AUTS2: variants seen among roughly 807,000 people sequenced by gnomAD.
The protein encoded by AUTS2 is autism susceptibility gene 2 protein.
A neutral mutation model predicts 112.4 loss-of-function variants in AUTS2; 17 were observed. The observed-to-expected ratio is 0.15, with a 90% CI of 0.10 to 0.23. The LOEUF (loss-of-function observed/expected upper bound fraction) is 0.23. Ranked by LOEUF, AUTS2 falls within the 10% of genes least tolerant of loss-of-function variation. The probability of loss-of-function intolerance (pLI) is 1.00; values close to 1 mark genes in which losing one functional copy is unlikely to be tolerated. For synonymous variants in AUTS2, 751 were observed against 702.7 expected (o/e 1.07, Z -1.09); for missense variants, 1,510 against 1,701.6 (o/e 0.89, Z 1.98).
chr7:70,358,998 T>C (rs1792134932), intron 4 of AUTS2, among the ~76,000 whole-genome samples: 2 of 152,332 alleles, frequency 1.3e-5, no homozygotes, highest in South Asian at 4.1e-4. Flanking sequence ...GTGCAAAAGA[T>C]GTGATGCATT....
At chr7:70,415,608 TCTACCAA>T (rs1335368252) in intron 4 of AUTS2, among the ~76,000 whole-genome samples, 5 of 152,230 alleles carry the variant, frequency 3.3e-5, no homozygotes, top group African/African-American at 1.2e-4. Context: ...GTAGTGTTTG[TCTACCAA>T]GTGGCTACCG....
intron 5 of AUTS2, among the ~76,000 whole-genome samples, chr7:70,549,706 A>T (rs1045688055): frequency 1.3e-5 from 2 of 152,200 alleles, no homozygotes; most frequent in Non-Finnish European, 2.9e-5. Context: ...AAAATTTTTT[A>T]AAAAGCCACT....
chr7:70,745,623 C>T (rs1302008347), intron 6 of AUTS2, among the ~76,000 whole-genome samples: 1 of 152,178 alleles, frequency 6.6e-6, no homozygotes, highest in Non-Finnish European at 1.5e-5. Context: ...AGACCACAGG[C>T]GTATACCTGG....
intron 2 of AUTS2, among the ~76,000 whole-genome samples, chr7:70,108,448 G>A (rs1804886597): frequency 2.0e-5 from 3 of 152,004 alleles, no homozygotes; most frequent in African/African-American, 4.8e-5. Flanking sequence ...AAAGATAACG[G>A]TATAATGAAC....
At chr7:69,873,592 C>T (rs559490779) in intron 1 of AUTS2, among the ~76,000 whole-genome samples, 8 of 152,134 alleles carry the variant, frequency 5.3e-5, no homozygotes, top group African/African-American at 9.6e-5. Context: ...TGACTGTTAT[C>T]GTTAACCACC....
At chr7:70,344,039 G>A (rs767570253) in intron 4 of AUTS2, among the ~76,000 whole-genome samples, 3 of 152,128 alleles carry the variant, frequency 2.0e-5, no homozygotes, top group African/African-American at 4.8e-5. Context: ...GGTGCAAAAT[G>A]TAAGGGGGCA....
At chr7:70,145,671 A>C (rs951867652) in intron 4 of AUTS2, among the ~76,000 whole-genome samples, 3 of 152,122 alleles carry the variant, frequency 2.0e-5, no homozygotes, top group Non-Finnish European at 4.4e-5. Context: ...CATACATATA[A>C]ATTTTGAATA....
chr7:69,854,217 TTCACCCTGTTAGGTATAATTA>T (rs1419907337), intron 1 of AUTS2, among the ~76,000 whole-genome samples: 1 of 152,170 alleles, frequency 6.6e-6, no homozygotes, highest in Non-Finnish European at 1.5e-5. Context: ...ACTTTCTAAA[TTCACCCTGTTAGGTATAATTA>T]TCTTACTGTG....
At chr7:69,772,888 CTTT>C (rs1788726866) in intron 1 of AUTS2, among the ~76,000 whole-genome samples, 1 of 152,108 alleles carries the variant, frequency 6.6e-6, no homozygotes, top group African/African-American at 2.4e-5. Flanking sequence ...AAGGCAAATT[CTTT>C]TTGATTTCTG....
intron 2 of AUTS2, among the ~76,000 whole-genome samples, chr7:70,108,616 C>CTGTG (rs1804896299): frequency 6.6e-6 from 1 of 151,710 alleles, no homozygotes; most frequent in South Asian, 2.1e-4. Context: ...TAATGTTTTA[C>CTGTG]TGTGTATCTG....
intron 2 of AUTS2, among the ~76,000 whole-genome samples, chr7:70,117,584 CTTTT>C (rs1284254875): frequency 6.6e-6 from 1 of 152,000 alleles, no homozygotes; most frequent in Non-Finnish European, 1.5e-5. Flanking sequence ...TGAGGTTTGG[CTTTT>C]TAGGTGTTTA....
intron 4 of AUTS2, among the ~76,000 whole-genome samples, chr7:70,165,875 A>G (rs1240040119): frequency 1.3e-5 from 2 of 152,166 alleles, no homozygotes; most frequent in Admixed American, 1.3e-4. Context: ...TCTCATTTCA[A>G]ATTGTAATCC....
chr7:70,070,906 G>T (rs1272404892), intron 2 of AUTS2, among the ~76,000 whole-genome samples: 1 of 151,308 alleles, frequency 6.6e-6, no homozygotes, highest in East Asian at 1.9e-4. Context: ...AAGGGAGAGA[G>T]GGAGGGAGGG....
chr7:69,755,826 G>C (rs572950497), intron 1 of AUTS2, among the ~76,000 whole-genome samples: 1 of 152,176 alleles, frequency 6.6e-6, no homozygotes, highest in East Asian at 1.9e-4. Context: ...TGGGTATCTT[G>C]TGGTAGGAGC....
In AUTS2 at chr7:70,585,203, T is replaced by C. The variant is rs528986343; in HGVS notation, c.691-113366T>C. Among the ~76,000 whole-genome samples, 19 of 152,278 alleles carry C rather than the reference T, an allele frequency of 1.2e-4. No homozygotes were observed. The South Asian group carries it at 3.7e-3, about 30-fold the overall frequency. Reference sequence around the variant, plus strand: ...GTGGAGAGCCCTGACCAGTCAACTTTTGGGGGTCCTGCAGGGGGCAAACTG... The same window carrying C: ...GTGGAGAGCCCTGACCAGTCAACTTCTGGGGGTCCTGCAGGGGGCAAACTG... On this transcript the variant is annotated intron_variant, in intron 5 of 18. Coordinates refer to ENST00000342771, the MANE Select transcript of AUTS2 (RefSeq NM_015570.4).
intron 2 of AUTS2, among the ~76,000 whole-genome samples, chr7:70,003,171 A>T (rs1584556149): frequency 1.5e-5 from 2 of 133,344 alleles, no homozygotes; most frequent in South Asian, 2.2e-4. Flanking sequence ...ATTCATATAT[A>T]TTATATGAAT....
intron 6 of AUTS2, chr7:70,729,251 G>A (rs2129552422): frequency 2.2e-6 from 1 of 452,820 alleles, no homozygotes; most frequent in Middle Eastern, 3.7e-4. Flanking sequence ...GCGGACCCCA[G>A]TGCTGTTCCC....
intron 5 of AUTS2, among the ~76,000 whole-genome samples, chr7:70,499,575 C>T (rs923109392): frequency 6.6e-6 from 1 of 152,208 alleles, no homozygotes; most frequent in Admixed American, 6.5e-5. Flanking sequence ...TCCCAGCTAC[C>T]CCTTGGAGAG....
chr7:70,368,238 T>C (rs905401660), intron 4 of AUTS2, among the ~76,000 whole-genome samples: 1 of 152,158 alleles, frequency 6.6e-6, no homozygotes, highest in Non-Finnish European at 1.5e-5. Context: ...AATTATGACA[T>C]AGAAAACACC....
Sources: allele counts gnomAD v4.1 joint callset (sites outside exome capture counted in the v4.1 genomes callset), GRCh38; gene constraint gnomAD v4.1.1; transcripts MANE v1.5; gene names NCBI Gene and HGNC (gene_info 2026-07-23, HGNC 2026-07-21).